The following ZWILCH variants were observed in gnomAD, a reference collection of about 807,000 sequenced individuals.
The protein encoded by ZWILCH is zwilch kinetochore protein.
Under a neutral mutation model 79.9 loss-of-function variants are expected in ZWILCH, and 74 were observed. The ratio of observed to expected loss-of-function variants is 0.93; its 90% CI spans 0.77 to 1.12. The LOEUF is 1.12. Ranked by LOEUF, ZWILCH falls within the 50% of genes most tolerant of loss-of-function variation. The pLI is 0.00. For synonymous variants in ZWILCH, 241 were observed against 228.2 expected (o/e 1.06, Z -0.51); for missense variants, 694 against 687.5 (o/e 1.01, Z -0.11).
At position 66,505,394 on chromosome 15, in the gene ZWILCH, G is replaced by A. The variant is rs755152448; in HGVS notation, c.53+3G>A. On this transcript the variant is annotated splice_donor_region_variant and intron_variant, in intron 1 of 18. Transcript: ENST00000307897. ...GACTTTTATTCTCGTCTCCTTCAGT[G>A]AGTCTAGTCTCTTCTTTTGGCTGGG... 25 of 1,614,074 alleles carry A rather than the reference G, an allele frequency of 1.5e-5. 1 individual carries two copies. In the South Asian group the frequency reaches 2.5e-4, roughly 16 times the overall value.
At chr15:66,507,232 C>T (rs1487517455) in intron 1 of ZWILCH, among the ~76,000 whole-genome samples, 3 of 152,182 alleles carry the variant, frequency 2.0e-5, no homozygotes, top group Non-Finnish European at 4.4e-5. Context: ...AATTTTCACA[C>T]GGGACCTCAG....
chr15:66,515,451 T>G (rs895076685), intron 3 of ZWILCH, 75 bp from the exon 4 acceptor site: 1 of 876,832 alleles, frequency 1.1e-6, no homozygotes, highest in Non-Finnish European at 1.8e-6. Context: ...GTCATTATTC[T>G]GTAGCATAGT....
chr15:66,508,742 A>G (rs1020666070), intron 1 of ZWILCH, 99 bp from the exon 2 acceptor site: 3 of 1,547,500 alleles, frequency 1.9e-6, no homozygotes, highest in Admixed American at 2.0e-5. Flanking sequence ...TGCCTTTCCT[A>G]TAGGTGTCCT....
At chr15:66,508,686 C>T in intron 1 of ZWILCH, 155 bp from the exon 2 acceptor site, 1 of 1,354,504 alleles carries the variant, frequency 7.4e-7, no homozygotes. Context: ...TGCTTTTTTT[C>T]TCTCTCTGCA....
chr15:66,509,794 T>A (rs1020873020), intron 2 of ZWILCH, among the ~76,000 whole-genome samples: 1 of 143,034 alleles, frequency 7.0e-6, no homozygotes, highest in African/African-American at 2.6e-5. Flanking sequence ...GAAGCTGTAA[T>A]ATCTATAATT....
At position 66,544,724 on chromosome 15, in the gene ZWILCH, T is replaced by TTTTGTGTG. The variant is rs145952622; in HGVS notation, c.1688-1866_1688-1865insTTGTGTGT. ...TGTTTTTTTGTTGTTTTTTTGGTTT[T>TTTTGTGTG]TGTGTGTGTGTGTGTGTGTGTGTGT... On this transcript the variant is annotated intron_variant, in intron 17 of 18. Transcript: ENST00000307897. Among the ~76,000 whole-genome samples the TTTTGTGTG allele has an allele frequency of 8.2e-3, 1,048 of 128,522 alleles. 9 individuals are homozygous for TTTTGTGTG. The highest frequency in any genetic ancestry group is 0.022 in the African/African-American group (727 of 32,546). The allele number at this position is 128,522 out of a possible 152,430, so 84.3% of individuals were successfully genotyped here.
At chr15:66,524,536 T>G (rs1163295794) in intron 8 of ZWILCH, 1 of 152,214 alleles carries the variant, frequency 6.6e-6, no homozygotes, top group Non-Finnish European at 1.5e-5. Flanking sequence ...GGTATGCACT[T>G]CTCCCACCTC....
Position 66,517,417 on chromosome 15 carries a change from C to CGTGT in ZWILCH, c.321-1451_321-1448dup, listed in dbSNP as rs141565295. On this transcript the variant is annotated intron_variant, in intron 4 of 18. Coordinates refer to ENST00000307897, the MANE Select transcript of ZWILCH (RefSeq NM_017975.5). ...CCTATAGATTTTGTGTTTGTGTGTG[C>CGTGT]GTGTGTGTGTGTGTATATATATATA... 1.4e-3 allele frequency among the ~76,000 whole-genome samples: 111 copies of CGTGT among 80,724 alleles called. 1 individual carries two copies. The highest frequency in any genetic ancestry group is 5.8e-3 in the Middle Eastern group (1 of 172). 53.0% of individuals were successfully genotyped at this position (80,724 alleles called of 152,430 possible).
chr15:66,521,416 T>G (rs531634281), intron 7 of ZWILCH, among the ~76,000 whole-genome samples: 3 of 152,200 alleles, frequency 2.0e-5, no homozygotes, highest in Non-Finnish European at 4.4e-5. Flanking sequence ...CCCTCAGCCC[T>G]ATAATAATAT....
chr15:66,546,499 T>C, intron 17 of ZWILCH, 92 bp from the exon 18 acceptor site: 1 of 696,222 alleles, frequency 1.4e-6, no homozygotes, highest in Non-Finnish European at 2.3e-6. Context: ...AGACCACCTC[T>C]TAGTTATTGT....
intron 3 of ZWILCH, among the ~76,000 whole-genome samples, chr15:66,515,306 A>G (rs1418721086): frequency 2.0e-5 from 3 of 152,168 alleles, no homozygotes; most frequent in Non-Finnish European, 4.4e-5. Flanking sequence ...AACTAAGGTC[A>G]ATATCTTTTT....
intron 17 of ZWILCH, among the ~76,000 whole-genome samples, chr15:66,542,503 T>C (rs1204741831): frequency 6.6e-6 from 1 of 152,112 alleles, no homozygotes; most frequent in African/African-American, 2.4e-5. Flanking sequence ...GAGAATCACT[T>C]GAACCTGGGA....
chr15:66,531,519 G>T (rs1383467494), intron 12 of ZWILCH, among the ~76,000 whole-genome samples: 2 of 152,072 alleles, frequency 1.3e-5, no homozygotes, highest in Non-Finnish European at 2.9e-5. Flanking sequence ...GGAGTGCAGT[G>T]CTGTGATCTC....
At chr15:66,508,945 T>G in intron 2 of ZWILCH, 53 bp downstream of exon 2, 2 of 1,585,252 alleles carry the variant, frequency 1.3e-6, no homozygotes, top group Non-Finnish European at 1.7e-6. Context: ...TTGTCTGTTT[T>G]TATTTTTATT....
intron 9 of ZWILCH, 104 bp from the exon 10 acceptor site, chr15:66,527,753 T>A: frequency 2.1e-6 from 2 of 970,876 alleles, no homozygotes; most frequent in Non-Finnish European, 3.1e-6. Flanking sequence ...AAATCCTTAG[T>A]TAGACTTCTA....
intron 7 of ZWILCH, among the ~76,000 whole-genome samples, chr15:66,523,115 G>A (rs765177541): frequency 6.6e-6 from 1 of 152,188 alleles, no homozygotes; most frequent in African/African-American, 2.4e-5. Context: ...GAGCTACTGC[G>A]CCCAGACATG....
rs1270528417 is a variant in ZWILCH, at chr15:66,548,723, T to C, written c.*399T>C. On this transcript the variant is annotated 3_prime_UTR_variant, in exon 19 of 19. Transcript: ENST00000307897. ...AACTTAAAAAATAGCATCCTCAAATTTTCTGATTCTTATTTGCCATGAAAT... is the reference window on the plus strand; with the variant it reads ...AACTTAAAAAATAGCATCCTCAAATCTTCTGATTCTTATTTGCCATGAAAT... 1 of 484,822 alleles carries C rather than the reference T, an allele frequency of 2.1e-6. No homozygotes were observed. Among genetic ancestry groups the C allele is most frequent in the Admixed American group, 3.4e-5 (1 of 29,352 alleles). The allele number at this position is 484,822 out of a possible 1,614,324, so 30.0% of individuals were successfully genotyped here. A position where few individuals can be genotyped will look rare whatever the true frequency, so the allele number is the denominator to read the frequency against.
At position 66,544,011 on chromosome 15, in the gene ZWILCH, G is replaced by A. The variant is rs1371577529; in HGVS notation, c.1688-2580G>A. Among the ~76,000 whole-genome samples the A allele has an allele frequency of 2.0e-5, 3 of 152,182 alleles. No homozygotes were observed. In the East Asian group the frequency reaches 5.8e-4, roughly 29 times the overall value. On this transcript the variant is annotated intron_variant, in intron 17 of 18. Transcript: ENST00000307897. ...CATATGGCTCACGCCTGTAATCCCA[G>A]CACTTTGGGAGGCCAAGGCGGGTGG...
In ZWILCH at chr15:66,546,678, G is replaced by A; in HGVS notation, c.1775G>A (p.Ter592=). 1 of 1,602,864 alleles carries A rather than the reference G, an allele frequency of 6.2e-7. No individual in the cohort carries two copies. Among genetic ancestry groups the A allele is most frequent in the East Asian group, 2.2e-5 (1 of 44,536 alleles). The stretch of plus-strand genomic sequence containing the variant: ...ACCTGCAGCCAGGTGCATTTCAAGT[G>A]AAGTGTGCTGATGAAGTCCTCTATA... ...MVTCSQVHFK[*] Residue 592 remains the stop codon, a stop_retained_variant, in exon 18 of 19, where the codon TGA becomes TAA. Coordinates refer to ENST00000307897, the MANE Select transcript of ZWILCH (RefSeq NM_017975.5).
Sources: allele counts gnomAD v4.1 joint callset (sites outside exome capture counted in the v4.1 genomes callset), GRCh38; gene constraint gnomAD v4.1.1; transcripts MANE v1.5; gene names NCBI Gene and HGNC (gene_info 2026-07-23, HGNC 2026-07-21).